The following ARFGEF2 variants were observed in gnomAD, a reference collection of about 807,000 sequenced individuals.
The protein encoded by ARFGEF2 is ARF guanine nucleotide exchange factor 2.
In ARFGEF2, 74 loss-of-function variants were observed where a neutral mutation model predicts 219.9. That is an observed-to-expected ratio of 0.34 (90% CI 0.28 to 0.41). The LOEUF is 0.41. Among genes scored for constraint, ARFGEF2 ranks in the 10% least tolerant of loss-of-function variants. ARFGEF2 has a pLI of 1.00. For missense variants in ARFGEF2, 1,743 were observed against 2,218.3 expected (o/e 0.79, Z 4.30); for synonymous variants, 733 against 799.2 (o/e 0.92, Z 1.40).
At position 49,011,990 on chromosome 20, in the gene ARFGEF2, CAG is replaced by C; in HGVS notation, c.3827_3828del (p.Glu1276ValfsTer9). 6.2e-7 allele frequency: 1 copy of C among 1,614,202 alleles called. No individual in the cohort carries two copies. Among genetic ancestry groups the C allele is most frequent in the Non-Finnish European group, 8.5e-7 (1 of 1,180,044 alleles). On this transcript the variant is annotated frameshift_variant, in exon 28 of 39. Transcript: ENST00000371917. LOFTEE classifies it high-confidence loss of function. ...TTTCAGGATGCTGTGAAGTGCTTAT[CAG>C]AGTTCGCCTGCAACGCCGCTTTCCC...
intron 26 of ARFGEF2, among the ~76,000 whole-genome samples, chr20:49,009,495 A>G (rs2091482880): frequency 6.6e-6 from 1 of 152,046 alleles, no homozygotes; most frequent in African/African-American, 2.4e-5. Flanking sequence ...TCCCAAGGCC[A>G]CTGTACTGAC....
In ARFGEF2 at chr20:49,017,531, A is replaced by T. The variant is rs768063246; in HGVS notation, c.4490A>T (p.Asp1497Val). The T allele has an allele frequency of 6.2e-6, 10 of 1,613,848 alleles. No homozygotes were observed. The highest frequency in any genetic ancestry group is 5.0e-5 in the Admixed American group (3 of 59,978). ...TGGAGACCTGTAGGAATGGAGGAAGATTCATCAGAAAAGCATTTGGTAGGA... is the reference window on the plus strand; with the variant it reads ...TGGAGACCTGTAGGAATGGAGGAAGTTTCATCAGAAAAGCATTTGGTAGGA... ...LTWRPVGMEE[D>V]SSEKHLDVDL... The change falls in exon 33 of 39, where the codon GAT becomes GTT. Residue 1497 changes from aspartate to valine, a missense_variant. By Grantham distance (152) the Asp-to-Val change is radical. Around this residue, in one of 5 missense-constraint regions of ARFGEF2, gnomAD observed 578 missense variants for 664.0 expected, o/e 0.87. Transcript: ENST00000371917.
At chr20:48,977,910 T>C (rs2123433822) in intron 14 of ARFGEF2, among the ~76,000 whole-genome samples, 1 of 152,326 alleles carries the variant, frequency 6.6e-6, no homozygotes, top group South Asian at 2.1e-4. Context: ...GCAAAAATTT[T>C]CTCCCATTCT....
chr20:48,971,349 A>G lies in ARFGEF2; in HGVS notation c.1420A>G (p.Ile474Val), dbSNP rs2091226569. 1 of 1,613,336 alleles carries G rather than the reference A, an allele frequency of 6.2e-7. No homozygotes were observed. The highest frequency in any genetic ancestry group is 8.5e-7 in the Non-Finnish European group (1 of 1,179,270). ...SNFKMHLKMQ[I>V]EVFFKEIFLN... is the part of the protein sequence containing the mutation. ...CTTTAAAATGCACTTGAAAATGCAG[A>G]TAGAGGTACGGATTCCAAAGTTTTT... Residue 474 changes from isoleucine to valine, a missense_variant, in exon 10 of 39, where the codon ATA (isoleucine) becomes GTA (valine). Physicochemically the swap from Ile to Val is conservative, Grantham distance 29. This residue lies in a region of ARFGEF2 where 666 missense variants were observed against 955.4 expected (regional missense o/e 0.70). Coordinates refer to ENST00000371917, the MANE Select transcript of ARFGEF2 (RefSeq NM_006420.3).
chr20:49,031,257 TCTCA>T (rs983951258), intron 37 of ARFGEF2, among the ~76,000 whole-genome samples: 5 of 129,646 alleles, frequency 3.9e-5, no homozygotes, highest in Admixed American at 1.8e-4. Context: ...TTTGAGATAG[TCTCA>T]CTCTATCGCC....
intron 3 of ARFGEF2, among the ~76,000 whole-genome samples, chr20:48,947,209 G>T (rs937677969): frequency 1.3e-5 from 2 of 151,862 alleles, no homozygotes; most frequent in Non-Finnish European, 2.9e-5. Context: ...GACCAGCTTG[G>T]GCAACATGGT....
intron 37 of ARFGEF2, 75 bp from the exon 38 acceptor site, chr20:49,031,974 G>A (rs1328882740): frequency 2.9e-6 from 3 of 1,041,520 alleles, no homozygotes; most frequent in Non-Finnish European, 4.5e-6. Context: ...AATAGCACAA[G>A]AATGAATAGT....
At chr20:49,028,699 A>G (rs1253817340) in intron 37 of ARFGEF2, 31 bp downstream of exon 37, 2 of 1,603,290 alleles carry the variant, frequency 1.2e-6, no homozygotes, top group South Asian at 1.1e-5. Context: ...TTAGATTTCT[A>G]TCTGCTATAT....
At chr20:49,001,540 G>C (rs1008445184) in intron 25 of ARFGEF2, among the ~76,000 whole-genome samples, 3 of 152,176 alleles carry the variant, frequency 2.0e-5, no homozygotes, top group Non-Finnish European at 4.4e-5. Flanking sequence ...CTGTGTCCTG[G>C]ATGAGCAAAG....
intron 1 of ARFGEF2, among the ~76,000 whole-genome samples, chr20:48,928,098 C>T (rs187959178): frequency 5.0e-4 from 76 of 151,828 alleles, no homozygotes; most frequent in Admixed American, 2.2e-3. Flanking sequence ...AGGATTATTG[C>T]AAAGGTTAAA....
rs143470429 is a variant in ARFGEF2 at position 49,032,079 on chromosome 20, C to T, written c.5094C>T (p.Ile1698=). The change falls in exon 38 of 39, where the codon ATC becomes ATT. Residue 1698 remains isoleucine (I), a synonymous_variant. Coordinates refer to ENST00000371917, the MANE Select transcript of ARFGEF2 (RefSeq NM_006420.3). ...GCAGTGAAGCTCTTGCCTATTTCAT[C>T]ACTGTGAATTCTGAGAGCCATCGGG... The part of the protein sequence containing the change: ...TVCSEALAYF[I]TVNSESHREA... 70 of 1,613,998 alleles carry T rather than the reference C, an allele frequency of 4.3e-5. No individual in the cohort carries two copies. Among genetic ancestry groups the T allele is most frequent in the Non-Finnish European group, 5.3e-5 (63 of 1,179,986 alleles).
intron 20 of ARFGEF2, among the ~76,000 whole-genome samples, chr20:48,990,588 G>A (rs1038736388): frequency 2.0e-5 from 3 of 152,074 alleles, no homozygotes; most frequent in African/African-American, 4.8e-5. Context: ...AAGCTTTGAC[G>A]TTAGACCATC....
chr20:48,959,793 T>C (rs1568706007), intron 6 of ARFGEF2, among the ~76,000 whole-genome samples: 1 of 151,076 alleles, frequency 6.6e-6, no homozygotes, highest in Non-Finnish European at 1.5e-5. Context: ...AGAGATGGGG[T>C]TTTGCTGTGT....
intron 26 of ARFGEF2, among the ~76,000 whole-genome samples, chr20:49,006,024 G>T (rs112560922): frequency 6.6e-6 from 1 of 151,820 alleles, no homozygotes; most frequent in Non-Finnish European, 1.5e-5. Context: ...GGCCGGGCGC[G>T]GTGGCTCATG....
At chr20:49,014,744 A>C (rs2091520166) in intron 30 of ARFGEF2, among the ~76,000 whole-genome samples, 1 of 152,230 alleles carries the variant, frequency 6.6e-6, no homozygotes, top group Admixed American at 6.5e-5. Context: ...TAGGCAACAT[A>C]GTGAGACCAT....
chr20:48,928,188 C>T (rs1309893214), intron 1 of ARFGEF2, among the ~76,000 whole-genome samples: 2 of 147,576 alleles, frequency 1.4e-5, no homozygotes, highest in African/African-American at 5.0e-5. Context: ...ATTGGTGTTG[C>T]AATCTTTTTT....
chr20:49,004,771 G>A (rs1225938598), intron 25 of ARFGEF2, among the ~76,000 whole-genome samples: 2 of 152,054 alleles, frequency 1.3e-5, no homozygotes, highest in South Asian at 2.1e-4. Flanking sequence ...CAGTCTGGGC[G>A]ACAGAGCCAG....
chr20:49,031,523 C>T (rs1226383255), intron 37 of ARFGEF2, among the ~76,000 whole-genome samples: 1 of 152,096 alleles, frequency 6.6e-6, no homozygotes, highest in East Asian at 1.9e-4. Flanking sequence ...GTCACTGCAC[C>T]TGGCCAGGCA....
intron 1 of ARFGEF2, among the ~76,000 whole-genome samples, chr20:48,927,565 G>A (rs889207394): frequency 5.3e-5 from 8 of 151,916 alleles, no homozygotes; most frequent in Admixed American, 2.0e-4. Flanking sequence ...GCGCACACCC[G>A]TAATCCCAGC....
Sources: gnomAD v4.1 joint callset for allele counts (sites outside exome capture counted in the v4.1 genomes callset) on GRCh38, gnomAD v4.1.1 for gene constraint, gnomAD v4.1.1 regional missense constraint, MANE v1.5 for transcripts, NCBI Gene and HGNC (gene_info 2026-07-23, HGNC 2026-07-21) for gene names.